Variants in TSHZ2 observed in about 807,000 individuals in gnomAD.
TSHZ2 encodes the protein teashirt homolog 2.
In TSHZ2, 21 loss-of-function variants were observed where a neutral mutation model predicts 74.4. That is an observed-to-expected ratio of 0.28 (90% CI 0.20 to 0.41). The LOEUF is 0.41. Ranked by LOEUF, TSHZ2 falls within the 10% of genes least tolerant of loss-of-function variation. The pLI, the probability that TSHZ2 is intolerant of heterozygous loss-of-function variation, is 1.00. For synonymous variants in TSHZ2, 540 were observed against 515.3 expected (o/e 1.05, Z -0.65); for missense variants, 1,244 against 1,293.5 (o/e 0.96, Z 0.59).
At chr20:53,115,724 G>T (rs2123335970) in intron 1 of TSHZ2, among the ~76,000 whole-genome samples, 1 of 152,214 alleles carries the variant, frequency 6.6e-6, no homozygotes, top group South Asian at 2.1e-4. Flanking sequence ...GGTGGTATTT[G>T]GGCAAAACAA....
intron 2 of TSHZ2, among the ~76,000 whole-genome samples, chr20:53,473,791 C>T (rs1985904666): frequency 2.0e-5 from 3 of 151,992 alleles, no homozygotes; most frequent in Admixed American, 1.3e-4. Context: ...ACTAGAATAA[C>T]CAATACAGAG....
At chr20:53,219,442 A>C (rs1468000785) in intron 1 of TSHZ2, among the ~76,000 whole-genome samples, 1 of 152,242 alleles carries the variant, frequency 6.6e-6, no homozygotes, top group Non-Finnish European at 1.5e-5. Flanking sequence ...ATTTGTAACT[A>C]CTGCATAGTT....
At chr20:53,332,623 A>C (rs1393503129) in intron 2 of TSHZ2, among the ~76,000 whole-genome samples, 1 of 152,194 alleles carries the variant, frequency 6.6e-6, no homozygotes, top group African/African-American at 2.4e-5. Flanking sequence ...CTGAAAGCCA[A>C]ATGGAATGAC....
intron 2 of TSHZ2, among the ~76,000 whole-genome samples, chr20:53,480,568 TAAAAAAAAAA>T (rs1322529613): frequency 1.5e-5 from 2 of 136,312 alleles, no homozygotes; most frequent in Non-Finnish European, 3.2e-5. Context: ...CCCTACCTTC[TAAAAAAAAAA>T]AAAAGAAAAA....
chr20:53,472,971 C>T lies in TSHZ2; in HGVS notation c.*9-14173C>T, dbSNP rs145025377. Among the ~76,000 whole-genome samples, 1,105 of 152,006 alleles carry T rather than the reference C, an allele frequency of 7.3e-3. 15 individuals carry two copies. The highest frequency in any genetic ancestry group is 0.025 in the African/African-American group (1,049 of 41,402). On this transcript the variant is annotated intron_variant, in intron 2 of 2. Coordinates refer to ENST00000371497, the MANE Select transcript of TSHZ2 (RefSeq NM_173485.6). ...GACGGGCTTAAAAAACGGCGCACCA[C>T]GAGATTATATCCCGCACCTGGCTGG...
intron 2 of TSHZ2, among the ~76,000 whole-genome samples, chr20:53,411,496 C>G (rs980933858): frequency 4.7e-4 from 71 of 152,148 alleles, no homozygotes; most frequent in Admixed American, 1.6e-3. Context: ...TTAACATAAG[C>G]TCTCTGAACC....
intron 2 of TSHZ2, among the ~76,000 whole-genome samples, chr20:53,447,337 T>A (rs1192724844): frequency 6.6e-6 from 1 of 152,222 alleles, no homozygotes; most frequent in African/African-American, 2.4e-5. Context: ...ATAAATCCCA[T>A]GGAAATGTGT....
Position 53,489,805 on chromosome 20 carries a change from G to A in TSHZ2, c.*2670G>A, listed in dbSNP as rs1986400352. The A allele has an allele frequency of 6.5e-6, 1 of 152,970 alleles. No individual in the cohort carries two copies. The highest frequency in any genetic ancestry group is 6.5e-5 in the Admixed American group (1 of 15,416). 9.5% of individuals were successfully genotyped at this position (152,970 alleles called of 1,614,324 possible). A position where few individuals can be genotyped will look rare whatever the true frequency, so the allele number is the denominator to read the frequency against. On this transcript the variant is annotated 3_prime_UTR_variant, in exon 3 of 3. Transcript: ENST00000371497. ...AAAACAAGATCTGGGCTGGCACTGG[G>A]GCATACATCACCACTCAGCATATTC...
At chr20:53,022,283 A>G (rs903953062) in intron 1 of TSHZ2, among the ~76,000 whole-genome samples, 5 of 152,234 alleles carry the variant, frequency 3.3e-5, no homozygotes, top group African/African-American at 1.2e-4. Context: ...ATGAGTATGT[A>G]TATTTAACAC....
intron 1 of TSHZ2, among the ~76,000 whole-genome samples, chr20:52,980,608 G>T (rs984134378): frequency 1.3e-5 from 2 of 152,136 alleles, no homozygotes; most frequent in African/African-American, 2.4e-5. Context: ...TATTAAGGTG[G>T]GTAGAATACA....
At chr20:53,106,689 C>T (rs990861067) in intron 1 of TSHZ2, among the ~76,000 whole-genome samples, 64 of 146,666 alleles carry the variant, frequency 4.4e-4, no homozygotes, top group Admixed American at 6.1e-4. Flanking sequence ...TGAGCCACCA[C>T]GCAGGGCATT....
chr20:53,415,091 T>C (rs757393873), intron 2 of TSHZ2, among the ~76,000 whole-genome samples: 5 of 152,218 alleles, frequency 3.3e-5, no homozygotes, highest in Admixed American at 1.3e-4. Context: ...ATAGTCACTA[T>C]TGTCATTTAT....
chr20:52,975,704 T>C (rs1267816090), intron 1 of TSHZ2, among the ~76,000 whole-genome samples: 3 of 152,182 alleles, frequency 2.0e-5, no homozygotes, highest in African/African-American at 7.2e-5. Context: ...TCTTACCTTA[T>C]TTATTTGCTC....
intron 1 of TSHZ2, among the ~76,000 whole-genome samples, chr20:53,041,832 A>T (rs1474886240): frequency 6.6e-6 from 1 of 152,244 alleles, no homozygotes; most frequent in Non-Finnish European, 1.5e-5. Flanking sequence ...AACAGGATCG[A>T]GATGATCCTT....
At chr20:53,131,287 A>G (rs1329745190) in intron 1 of TSHZ2, among the ~76,000 whole-genome samples, 1 of 152,220 alleles carries the variant, frequency 6.6e-6, no homozygotes, top group Non-Finnish European at 1.5e-5. Flanking sequence ...GTAATAAATA[A>G]TGCATGCTGA....
chr20:53,221,229 G>A (rs1037280509), intron 1 of TSHZ2, among the ~76,000 whole-genome samples: 1 of 146,412 alleles, frequency 6.8e-6, no homozygotes, highest in South Asian at 2.2e-4. Context: ...GGCCCCCCCC[G>A]CCATGTAGAA....
intron 2 of TSHZ2, among the ~76,000 whole-genome samples, chr20:53,353,054 T>C (rs1163500049): frequency 8.5e-5 from 13 of 152,154 alleles, no homozygotes; most frequent in Admixed American, 8.5e-4. Flanking sequence ...AGAATAAGGA[T>C]AGTGCATGCT....
At chr20:53,154,326 C>T (rs1043962370) in intron 1 of TSHZ2, among the ~76,000 whole-genome samples, 20 of 152,138 alleles carry the variant, frequency 1.3e-4, no homozygotes, top group Non-Finnish European at 2.6e-4. Flanking sequence ...GTTTTTTTAA[C>T]ATTGCTCCTA....
At chr20:53,339,148 C>T (rs1045504008) in intron 2 of TSHZ2, among the ~76,000 whole-genome samples, 6 of 152,180 alleles carry the variant, frequency 3.9e-5, no homozygotes, top group African/African-American at 1.2e-4. Flanking sequence ...AGAAATCTAA[C>T]ATTCTCTTAT....
Sources: allele counts gnomAD v4.1 joint callset (sites outside exome capture counted in the v4.1 genomes callset), GRCh38; gene constraint gnomAD v4.1.1; transcripts MANE v1.5; gene names NCBI Gene and HGNC (gene_info 2026-07-23, HGNC 2026-07-21).